The following TPP2 variants were observed in gnomAD, a reference collection of about 807,000 sequenced individuals.
TPP2 encodes the protein tripeptidyl peptidase 2, also known as tripeptidyl-peptidase 2.
A neutral mutation model predicts 155.9 loss-of-function variants in TPP2; 34 were observed. The ratio of observed to expected loss-of-function variants is 0.22; its 90% CI spans 0.17 to 0.29. TPP2 has a LOEUF of 0.29. Ranked by LOEUF, TPP2 falls within the 10% of genes least tolerant of loss-of-function variation. The probability of loss-of-function intolerance (pLI) is 1.00; values close to 1 mark genes in which losing one functional copy is unlikely to be tolerated. For missense variants in TPP2, 1,028 were observed against 1,522.3 expected (o/e 0.68, Z 5.40); for synonymous variants, 510 against 529.4 (o/e 0.96, Z 0.50).
At chr13:102,633,909 C>T (rs1882193938) in intron 10 of TPP2, 41 bp from the exon 11 acceptor site, 1 of 1,611,306 alleles carries the variant, frequency 6.2e-7, no homozygotes, top group Non-Finnish European at 8.5e-7. Flanking sequence ...GTATGTTTAG[C>T]TTTCACCATC....
Position 102,618,653 on chromosome 13 carries a change from G to C in TPP2, c.496-69G>C, listed in dbSNP as rs558885237. The C allele has an allele frequency of 3.1e-3, 4,863 of 1,546,606 alleles. 12 individuals carry two copies. Among genetic ancestry groups the C allele is most frequent in the Non-Finnish European group, 3.9e-3 (4,440 of 1,145,622 alleles). ...TACTATGGATTAACATTGTATCTTT[G>C]GCTGTATGTTAATACAACTTTTAGA... On this transcript the variant is annotated intron_variant, in intron 4 of 29. Transcript: ENST00000376052.
Position 102,604,705 on chromosome 13 carries a change from A to G in TPP2, c.166-88A>G, listed in dbSNP as rs562186151. On this transcript the variant is annotated intron_variant, in intron 1 of 29. Coordinates refer to ENST00000376052, the MANE Select transcript of TPP2 (RefSeq NM_001330588.2). ...TTTTAAGTGAATGTAGATTTTGTATATACACACACATATATATGTGGATTT... is the reference window on the plus strand; with the variant it reads ...TTTTAAGTGAATGTAGATTTTGTATGTACACACACATATATATGTGGATTT... The G allele has an allele frequency of 2.1e-5, 30 of 1,396,072 alleles. No individual in the cohort carries two copies. In the South Asian group the frequency reaches 3.3e-4, roughly 16 times the overall value. 86.5% of individuals were successfully genotyped at this position (1,396,072 alleles called of 1,614,324 possible). A position where few individuals can be genotyped will look rare whatever the true frequency, so the allele number is the denominator to read the frequency against.
At chr13:102,635,123 TAAC>T (rs140334270) in intron 11 of TPP2, among the ~76,000 whole-genome samples, 4,175 of 152,280 alleles carry the variant, frequency 0.027, 101 homozygotes, top group Non-Finnish European at 0.045. Context: ...GTTTAATAAA[TAAC>T]AATCTCTGGG....
chr13:102,630,298 G>GT (rs3832918), intron 10 of TPP2, 103 bp downstream of exon 10: 1 of 748,404 alleles, frequency 1.3e-6, no homozygotes, highest in African/African-American at 2.6e-5. Flanking sequence ...TTTTCTGTTG[G>GT]TTTTTACTTT....
At chr13:102,649,630 A>C in intron 23 of TPP2, 144 bp downstream of exon 23, 4 of 645,236 alleles carry the variant, frequency 6.2e-6, no homozygotes, top group Non-Finnish European at 1.0e-5. Context: ...TTCCCAGGTT[A>C]CTAGTGAAAG....
rs186221288 is a variant in TPP2, at chr13:102,633,388, G to A, written c.1245-562G>A. 3.5e-4 allele frequency among the ~76,000 whole-genome samples: 53 copies of A among 152,252 alleles called. 1 individual carries two copies. Among genetic ancestry groups the A allele is most frequent in the African/African-American group, 1.3e-3 (52 of 41,556 alleles). On this transcript the variant is annotated intron_variant, in intron 10 of 29. Transcript: ENST00000376052. ...AAAGACTTGGTACAAAAAAAACAAT[G>A]TAAACTAATTCATTTTTCTTTGTAT...
intron 19 of TPP2, 91 bp downstream of exon 19, chr13:102,645,100 TC>T (rs1883019018): frequency 1.9e-5 from 22 of 1,140,220 alleles, no homozygotes; most frequent in Non-Finnish European, 2.3e-5. Context: ...TTTTTTTTAA[TC>T]CACCTGCATG....
chr13:102,630,022 C>T, intron 9 of TPP2, 74 bp from the exon 10 acceptor site: 2 of 1,274,974 alleles, frequency 1.6e-6, no homozygotes, highest in South Asian at 2.5e-5. Context: ...AGGCAGTTTA[C>T]TCAAGTGAAC....
In TPP2 at chr13:102,634,037, G is replaced by A. The variant is rs1001390340; in HGVS notation, c.1332G>A (p.Leu444=). 1.5e-5 allele frequency: 24 copies of A among 1,613,980 alleles called. No individual in the cohort carries two copies. Among genetic ancestry groups the A allele is most frequent in the Non-Finnish European group, 1.6e-5 (19 of 1,179,986 alleles). ...VPNWTLRGTQ[L]MNGTSMSSPN... Reference sequence around the variant, plus strand: ...ACTGGACACTGAGAGGGACGCAGCTGATGAATGGAACATCTATGTCTTCCC... The same window carrying A: ...ACTGGACACTGAGAGGGACGCAGCTAATGAATGGAACATCTATGTCTTCCC... Residue 444 remains leucine, a synonymous_variant, in exon 11 of 30, where the codon CTG becomes CTA. Transcript: ENST00000376052.
chr13:102,615,968 T>C (rs74759827), intron 3 of TPP2, among the ~76,000 whole-genome samples: 4 of 146,940 alleles, frequency 2.7e-5, no homozygotes, highest in African/African-American at 2.6e-5. Context: ...TTTTTTTTTT[T>C]CTCTTTGAGA....
At chr13:102,637,054 C>A in intron 13 of TPP2, 28 bp from the exon 14 acceptor site, 1 of 1,558,580 alleles carries the variant, frequency 6.4e-7, no homozygotes, top group Non-Finnish European at 8.6e-7. Flanking sequence ...AAATACTCAT[C>A]TTTAATTTTT....
chr13:102,638,342 C>T (rs767119568), intron 15 of TPP2, 27 bp downstream of exon 15: 6 of 1,600,252 alleles, frequency 3.7e-6, no homozygotes, highest in East Asian at 4.5e-5. Context: ...TCACAGCTTA[C>T]TGGTACATCT....
intron 5 of TPP2, among the ~76,000 whole-genome samples, chr13:102,619,716 T>C (rs1002622799): frequency 1.3e-5 from 2 of 152,220 alleles, no homozygotes; most frequent in Non-Finnish European, 2.9e-5. Flanking sequence ...AATTTGGGGA[T>C]GATGGTGTTA....
chr13:102,614,660 A>T (rs968866893), intron 3 of TPP2, among the ~76,000 whole-genome samples: 8 of 151,894 alleles, frequency 5.3e-5, no homozygotes, highest in Non-Finnish European at 8.8e-5. Context: ...GTAAGTGTTA[A>T]TTCAGTCCTA....
At chr13:102,635,440 T>C (rs998196056) in intron 11 of TPP2, 147 bp from the exon 12 acceptor site, 4 of 569,130 alleles carry the variant, frequency 7.0e-6, no homozygotes, top group Non-Finnish European at 1.2e-5. Flanking sequence ...GACTGTTTAG[T>C]TCAGGTCTTC....
chr13:102,646,109 T>C (rs1372739128), intron 19 of TPP2, among the ~76,000 whole-genome samples, 185 bp from the exon 20 acceptor site: 5 of 152,246 alleles, frequency 3.3e-5, no homozygotes. Context: ...TGTATTGATA[T>C]GATTCAATCA....
intron 27 of TPP2, among the ~76,000 whole-genome samples, chr13:102,673,095 C>T (rs1885078963): frequency 6.6e-6 from 1 of 152,070 alleles, no homozygotes; most frequent in Admixed American, 6.5e-5. Flanking sequence ...CTGAGAATAC[C>T]CCGGTCTTGG....
chr13:102,647,163 T>C (rs1304777167), intron 20 of TPP2, 44 bp from the exon 21 acceptor site: 3 of 1,535,156 alleles, frequency 2.0e-6, no homozygotes, highest in East Asian at 2.3e-5. Context: ...GTATCAGAAA[T>C]TATATGCAAA....
intron 2 of TPP2, among the ~76,000 whole-genome samples, chr13:102,606,649 C>T (rs1879853764): frequency 1.3e-5 from 2 of 152,202 alleles, no homozygotes; most frequent in Admixed American, 6.5e-5. Context: ...TTTTGATTTG[C>T]TCAGAGTCCT....
Sources: allele counts gnomAD v4.1 joint callset (sites outside exome capture counted in the v4.1 genomes callset), GRCh38; gene constraint gnomAD v4.1.1; transcripts MANE v1.5; gene names NCBI Gene and HGNC (gene_info 2026-07-23, HGNC 2026-07-21).